ZNF778: variants seen among roughly 807,000 people sequenced by gnomAD.
ZNF778 encodes the protein zinc finger protein 778.
Under a neutral mutation model 23.9 loss-of-function variants are expected in ZNF778, and 37 were observed. The observed-to-expected ratio is 1.54, with a 90% confidence interval of 1.19 to 2.03. ZNF778 has a LOEUF of 2.03. Among genes scored for constraint, ZNF778 ranks in the 30% most tolerant of loss-of-function variants. The pLI, the probability that ZNF778 is intolerant of heterozygous loss-of-function variation, is 0.00. For missense variants in ZNF778, 1,297 were observed against 934.4 expected (o/e 1.39, Z -5.06); for synonymous variants, 483 against 343.9 (o/e 1.40, Z -4.48).
chr16:89,228,170 A>G lies in ZNF778; in HGVS notation c.1882A>G (p.Thr628Ala). The G allele has an allele frequency of 3.1e-6, 5 of 1,613,488 alleles. No homozygotes were observed. Among genetic ancestry groups the G allele is most frequent in the Non-Finnish European group, 4.2e-6 (5 of 1,179,590 alleles). ...ECKVCGKAFTTSSHLIVHIRT... is the reference protein window; with the variant it reads ...ECKVCGKAFTASSHLIVHIRT... ...TAAAGTATGCGGAAAGGCCTTCACC[A>G]CATCCTCACACCTTATCGTGCACAT... The change falls in exon 7 of 7, where the codon ACA becomes GCA. Residue 628 changes from threonine (T) to alanine (A), a missense_variant. Transcript: ENST00000433976.
chr16:89,227,638 G>T lies in ZNF778; in HGVS notation c.1350G>T (p.Thr450=). Reference sequence around the variant, plus strand: ...CACACACGGGCGAGAAGCCATACACGTGTAAGGACTGCGGGAAAGCCTTCT... The same window carrying T: ...CACACACGGGCGAGAAGCCATACACTTGTAAGGACTGCGGGAAAGCCTTCT... ...VRTHTGEKPY[T]CKDCGKAFCT... is the part of the protein sequence containing the mutation. The change falls in exon 7 of 7, where the codon ACG becomes ACT. Residue 450 remains threonine (T), a synonymous_variant. Coordinates refer to ENST00000433976, the MANE Select transcript of ZNF778 (RefSeq NM_001201407.2). 6.2e-7 allele frequency: 1 copy of T among 1,613,980 alleles called. No individual in the cohort carries two copies. The highest frequency in any genetic ancestry group is 8.5e-7 in the Non-Finnish European group (1 of 1,179,966).
chr16:89,225,073 T>C (rs956917383), intron 5 of ZNF778, among the ~76,000 whole-genome samples: 14 of 146,020 alleles, frequency 9.6e-5, no homozygotes, highest in Non-Finnish European at 6.0e-5. Context: ...TCTTGTGATC[T>C]CATAAAAAAC....
chr16:89,224,673 C>A, intron 4 of ZNF778, 46 bp from the exon 5 acceptor site: 1 of 1,397,928 alleles, frequency 7.2e-7, no homozygotes. Flanking sequence ...GGTTTGTCAT[C>A]CCCTGCCTGA....
chr16:89,233,761 C>A lies in ZNF778; in HGVS notation c.*5199C>A, dbSNP rs1469432334. 7 of 1,237,124 alleles carry A rather than the reference C, an allele frequency of 5.7e-6. No homozygotes were observed. Among genetic ancestry groups the A allele is most frequent in the South Asian group, 2.6e-5 (2 of 77,620 alleles). The allele number at this position is 1,237,124 out of a possible 1,614,324, so 76.6% of individuals were successfully genotyped here. On this transcript the variant is annotated 3_prime_UTR_variant, in exon 7 of 7. Transcript: ENST00000433976. ...TGCATATGCAACTCAACTCGCACTG[C>A]GTATGCAACTCAACTCGCACTGCGT... is the stretch of plus-strand genomic sequence containing the variant.
rs1035667018 is a variant in ZNF778 at position 89,232,065 on chromosome 16, C to G, written c.*3503C>G. On this transcript the variant is annotated 3_prime_UTR_variant, in exon 7 of 7. Transcript: ENST00000433976. ...GTGATGTGGATGTGATTGGTTTGCC[C>G]TCATCAAGTCTCATGTTGAGCTTTG... is the stretch of plus-strand genomic sequence containing the variant. 6.4e-6 allele frequency: 1 copy of G among 156,252 alleles called. No homozygotes were observed. The highest frequency in any genetic ancestry group is 1.4e-5 in the Non-Finnish European group (1 of 70,434). 9.7% of individuals were successfully genotyped at this position (156,252 alleles called of 1,614,324 possible). A position where few individuals can be genotyped will look rare whatever the true frequency, so the allele number is the denominator to read the frequency against.
Position 89,221,004 on chromosome 16 carries a change from G to A in ZNF778, c.-124G>A. 2 of 1,012,110 alleles carry A rather than the reference G, an allele frequency of 2.0e-6. No homozygotes were observed. Among genetic ancestry groups the A allele is most frequent in the Non-Finnish European group, 3.0e-6 (2 of 676,764 alleles). 62.7% of individuals were successfully genotyped at this position (1,012,110 alleles called of 1,614,324 possible). A position where few individuals can be genotyped will look rare whatever the true frequency, so the allele number is the denominator to read the frequency against. Reference sequence around the variant, plus strand: ...CTTCATCATGATTGCTAGGAAATAGGGATCCAGCCATCCGTGGGTCAGGAG... The same window carrying A: ...CTTCATCATGATTGCTAGGAAATAGAGATCCAGCCATCCGTGGGTCAGGAG... On this transcript the variant is annotated 5_prime_UTR_variant, in exon 2 of 7. Transcript: ENST00000433976.
intron 1 of ZNF778, among the ~76,000 whole-genome samples, chr16:89,220,008 C>G (rs765630208): frequency 4.6e-5 from 7 of 152,172 alleles, no homozygotes; most frequent in Non-Finnish European, 1.5e-5. Context: ...TGTTCATTTT[C>G]TGTTCACTGT....
At position 89,226,873 on chromosome 16, in the gene ZNF778, G is replaced by A. The variant is rs74033442; in HGVS notation, c.585G>A (p.Glu195=). Residue 195 remains glutamate, a synonymous_variant, in exon 7 of 7, where the codon GAG becomes GAA. Coordinates refer to ENST00000433976, the MANE Select transcript of ZNF778 (RefSeq NM_001201407.2). The part of the protein sequence containing the change: ...PCQKTLFKIG[E]QFSVLGQCGK... ...AGAAAACCTTGTTCAAAATTGGAGA[G>A]CAGTTTTCCGTGTTGGGTCAGTGTG... 0.025 allele frequency: 40,320 copies of A among 1,613,972 alleles called. 2,117 individuals carry two copies. Among genetic ancestry groups the A allele is most frequent in the African/African-American group, 0.2 (15,111 of 75,004 alleles).
In ZNF778 at chr16:89,232,856, G is replaced by A; in HGVS notation, c.*4294G>A. The A allele has an allele frequency of 2.3e-6, 3 of 1,289,188 alleles. No homozygotes were observed. The highest frequency in any genetic ancestry group is 3.0e-6 in the Non-Finnish European group (3 of 988,664). 79.9% of individuals were successfully genotyped at this position (1,289,188 alleles called of 1,614,324 possible). A position where few individuals can be genotyped will look rare whatever the true frequency, so the allele number is the denominator to read the frequency against. Reference sequence around the variant, plus strand: ...ATGCAACTCAACTCACACCGTGTATGCAAATCAACTCGCACTGCGTATGCA... The same window carrying A: ...ATGCAACTCAACTCACACCGTGTATACAAATCAACTCGCACTGCGTATGCA... On this transcript the variant is annotated 3_prime_UTR_variant, in exon 7 of 7. Transcript: ENST00000433976.
At chr16:89,222,511 C>A (rs2031055967) in intron 3 of ZNF778, among the ~76,000 whole-genome samples, 1 of 152,170 alleles carries the variant, frequency 6.6e-6, no homozygotes, top group Non-Finnish European at 1.5e-5. Context: ...TTACAAGTGC[C>A]CACCAGCATG....
rs750614511 is a variant in ZNF778, at chr16:89,233,953, G to T, written c.*5391G>T. The T allele has an allele frequency of 8.6e-6, 11 of 1,279,504 alleles. No individual in the cohort carries two copies. The South Asian group carries it at 1.2e-4, about 14-fold the overall frequency. 79.3% of individuals were successfully genotyped at this position (1,279,504 alleles called of 1,614,324 possible). On this transcript the variant is annotated 3_prime_UTR_variant, in exon 7 of 7. Coordinates refer to ENST00000433976, the MANE Select transcript of ZNF778 (RefSeq NM_001201407.2). ...ATGCTGTATGCCCTTGGGCCTGCTGGAAGTATGCAGACTAGCCAGCCCCAG... is the reference window on the plus strand; with the variant it reads ...ATGCTGTATGCCCTTGGGCCTGCTGTAAGTATGCAGACTAGCCAGCCCCAG...
chr16:89,225,731 G>A, intron 6 of ZNF778, 100 bp downstream of exon 6: 1 of 1,102,228 alleles, frequency 9.1e-7, no homozygotes, highest in Non-Finnish European at 1.3e-6. Context: ...TAGAGAAGCA[G>A]GATTCACTCA....
rs1478961317 is a variant in ZNF778, at chr16:89,227,311, A to G, written c.1023A>G (p.Glu341=). The G allele has an allele frequency of 3.1e-6, 5 of 1,613,926 alleles. No homozygotes were observed. In the South Asian group the frequency reaches 5.5e-5, roughly 18 times the overall value. The part of the protein sequence containing the change: ...HAAEKPCECK[E]CGKAFTGLSG... ...CAGAGAAACCCTGTGAATGTAAAGA[A>G]TGCGGAAAAGCCTTCACTGGACTCT... Residue 341 remains glutamate (E), a synonymous_variant, in exon 7 of 7, where the codon GAA becomes GAG. Coordinates refer to ENST00000433976, the MANE Select transcript of ZNF778 (RefSeq NM_001201407.2).
chr16:89,223,322 A>C, intron 4 of ZNF778, 39 bp downstream of exon 4: 1 of 1,612,172 alleles, frequency 6.2e-7, no homozygotes, highest in Non-Finnish European at 8.5e-7. Context: ...CTGTGGAACC[A>C]ATACTTGATG....
chr16:89,226,601 G>A (rs547916916), intron 6 of ZNF778, 93 bp from the exon 7 acceptor site: 462 of 1,189,464 alleles, frequency 3.9e-4, no homozygotes, highest in Middle Eastern at 2.0e-4. Flanking sequence ...GGCAAAAATC[G>A]TAATCATCAT....
intron 4 of ZNF778, 73 bp from the exon 5 acceptor site, chr16:89,224,646 G>A: frequency 1.9e-6 from 2 of 1,075,546 alleles, no homozygotes; most frequent in Non-Finnish European, 2.7e-6. Context: ...AGGAAATGTA[G>A]TTCCTGTTCA....
rs761927568 is a variant in ZNF778 at position 89,226,950 on chromosome 16, G to A, written c.662G>A (p.Arg221Gln). ...PNVVSQQACT[R>Q]DRSLDYSSCG... ...GTTGTTTCCCAGCAAGCATGCACTCGGGACAGATCTCTTGACTACAGCAGC... is the reference window on the plus strand; with the variant it reads ...GTTGTTTCCCAGCAAGCATGCACTCAGGACAGATCTCTTGACTACAGCAGC... The change falls in exon 7 of 7, where the codon CGG becomes CAG. Residue 221 changes from arginine to glutamine, a missense_variant. Transcript: ENST00000433976. The A allele has an allele frequency of 9.9e-6, 16 of 1,613,842 alleles. No homozygotes were observed. The highest frequency in any genetic ancestry group is 5.3e-5 in the African/African-American group (4 of 74,902).
In ZNF778 at chr16:89,224,679, C is replaced by G. The variant is rs891584534; in HGVS notation, c.245-40C>G. ...TCACGGGTAGGTTTGTCATCCCCTGCCTGAGCCTCTTCCATCGATGTCTCT... is the reference window on the plus strand; with the variant it reads ...TCACGGGTAGGTTTGTCATCCCCTGGCTGAGCCTCTTCCATCGATGTCTCT... On this transcript the variant is annotated intron_variant, in intron 4 of 6. Coordinates refer to ENST00000433976, the MANE Select transcript of ZNF778 (RefSeq NM_001201407.2). The G allele has an allele frequency of 5.5e-6, 8 of 1,447,454 alleles. No individual in the cohort carries two copies. In the Admixed American group the frequency reaches 9.9e-5, roughly 18 times the overall value. The allele number at this position is 1,447,454 out of a possible 1,614,324, so 89.7% of individuals were successfully genotyped here.
In ZNF778 at chr16:89,221,124, C is replaced by G; in HGVS notation, c.-4C>G. On this transcript the variant is annotated 5_prime_UTR_variant, in exon 2 of 7. Transcript: ENST00000433976. ...CATTCAGACGCTTCCGTCAGCCTCCCAGGATGGCAGCCCCTGACCTGGCCC... is the reference window on the plus strand; with the variant it reads ...CATTCAGACGCTTCCGTCAGCCTCCGAGGATGGCAGCCCCTGACCTGGCCC... 1.3e-6 allele frequency: 2 copies of G among 1,568,036 alleles called. No homozygotes were observed. Among genetic ancestry groups the G allele is most frequent in the Non-Finnish European group, 8.7e-7 (1 of 1,156,018 alleles).
Sources: gnomAD v4.1 joint callset for allele counts (sites outside exome capture counted in the v4.1 genomes callset) on GRCh38, gnomAD v4.1.1 for gene constraint, MANE v1.5 for transcripts, NCBI Gene and HGNC (gene_info 2026-07-23, HGNC 2026-07-21) for gene names.